The following GALNTL6 variants were observed in gnomAD, a reference collection of about 807,000 sequenced individuals.
GALNTL6 encodes polypeptide N-acetylgalactosaminyltransferase like 6, also known as polypeptide N-acetylgalactosaminyltransferase-like 6.
Under a neutral mutation model 73.7 loss-of-function variants are expected in GALNTL6, and 46 were observed. The ratio of observed to expected loss-of-function variants is 0.62; its 90% CI spans 0.49 to 0.80. GALNTL6 has a LOEUF of 0.80. Among genes scored for constraint, GALNTL6 ranks in the 30% least tolerant of loss-of-function variants. The pLI, the probability that GALNTL6 is intolerant of heterozygous loss-of-function variation, is 0.00. For missense variants in GALNTL6, 604 were observed against 755.0 expected (o/e 0.80, Z 2.34); for synonymous variants, 259 against 263.7 (o/e 0.98, Z 0.17).
intron 10 of GALNTL6, among the ~76,000 whole-genome samples, chr4:173,002,939 A>G (rs1444004991): frequency 6.6e-6 from 1 of 152,208 alleles, no homozygotes; most frequent in Non-Finnish European, 1.5e-5. Context: ...TATTATTTAT[A>G]GTCAGTAGAA....
intron 5 of GALNTL6, among the ~76,000 whole-genome samples, chr4:172,681,913 G>A (rs1732651649): frequency 6.6e-6 from 1 of 152,126 alleles, no homozygotes; most frequent in Non-Finnish European, 1.5e-5. Flanking sequence ...GCAATTCAGG[G>A]CCATAGGATA....
chr4:171,999,905 G>A (rs1188751620), intron 2 of GALNTL6, among the ~76,000 whole-genome samples: 1 of 152,074 alleles, frequency 6.6e-6, no homozygotes, highest in Non-Finnish European at 1.5e-5. Context: ...GCCTAACACC[G>A]ATATTCATAA....
chr4:172,698,851 G>C (rs1733846839), intron 5 of GALNTL6, among the ~76,000 whole-genome samples: 2 of 152,136 alleles, frequency 1.3e-5, no homozygotes, highest in Non-Finnish European at 2.9e-5. Context: ...GTATCTGTAT[G>C]CCATAAATAT....
intron 2 of GALNTL6, among the ~76,000 whole-genome samples, chr4:172,109,842 G>C (rs772408147): frequency 6.6e-6 from 1 of 151,994 alleles, no homozygotes; most frequent in East Asian, 1.9e-4. Context: ...TGGCTTCACT[G>C]GTTAAAATGT....
chr4:172,694,045 G>T (rs1042663472), intron 5 of GALNTL6, among the ~76,000 whole-genome samples: 1 of 151,854 alleles, frequency 6.6e-6, no homozygotes, highest in African/African-American at 2.4e-5. Context: ...AATGAAATTA[G>T]CCTGCGTACT....
At chr4:172,183,780 A>G (rs1368977217) in intron 2 of GALNTL6, among the ~76,000 whole-genome samples, 1 of 146,092 alleles carries the variant, frequency 6.8e-6, no homozygotes, top group East Asian at 2.1e-4. Flanking sequence ...CAGTTTTGCT[A>G]TTACTGTTGA....
intron 2 of GALNTL6, among the ~76,000 whole-genome samples, chr4:172,017,887 G>T (rs1385279314): frequency 6.6e-6 from 1 of 152,082 alleles, no homozygotes. Flanking sequence ...CATGGATACA[G>T]GCACCTGCTC....
intron 5 of GALNTL6, among the ~76,000 whole-genome samples, chr4:172,411,450 G>A (rs1486581033): frequency 6.6e-6 from 1 of 152,086 alleles, no homozygotes; most frequent in Non-Finnish European, 1.5e-5. Flanking sequence ...AAACTCCAAT[G>A]AGACATTTAT....
intron 5 of GALNTL6, among the ~76,000 whole-genome samples, chr4:172,452,323 A>T (rs769220151): frequency 4.7e-4 from 72 of 151,880 alleles, no homozygotes; most frequent in Middle Eastern, 3.4e-3. Context: ...TATATATATA[A>T]AAATAAATAA....
At chr4:172,939,043 C>CCT (rs1282448236) in intron 9 of GALNTL6, among the ~76,000 whole-genome samples, 1 of 152,202 alleles carries the variant, frequency 6.6e-6, no homozygotes, top group African/African-American at 2.4e-5. Flanking sequence ...GTGGCTCATG[C>CCT]CTGTAATCCC....
rs145167419 is a variant in GALNTL6 at position 171,961,280 on chromosome 4, G to C, written c.138+146562G>C. 1.4e-4 allele frequency among the ~76,000 whole-genome samples: 21 copies of C among 152,188 alleles called. No homozygotes were observed. In the East Asian group the frequency reaches 3.9e-3, roughly 28 times the overall value. On this transcript the variant is annotated intron_variant, in intron 2 of 12. Transcript: ENST00000506823. ...AACTGTCTTCATACCTTGTCTAACA[G>C]TCCCTGTACAGGGTTCCTGACCTGT...
intron 2 of GALNTL6, among the ~76,000 whole-genome samples, chr4:172,225,497 A>C (rs1736824847): frequency 6.6e-6 from 1 of 151,760 alleles, no homozygotes; most frequent in Non-Finnish European, 1.5e-5. Flanking sequence ...AATAAGCCTC[A>C]GAATCACCTG....
chr4:171,846,729 G>C (rs1416441800), intron 2 of GALNTL6, among the ~76,000 whole-genome samples: 1 of 147,218 alleles, frequency 6.8e-6, no homozygotes, highest in Non-Finnish European at 1.5e-5. Context: ...TATATTTATA[G>C]ATATATATGG....
At chr4:172,513,628 TC>T (rs1014841492) in intron 5 of GALNTL6, among the ~76,000 whole-genome samples, 4 of 152,148 alleles carry the variant, frequency 2.6e-5, no homozygotes, top group Non-Finnish European at 1.5e-5. Flanking sequence ...ATGTGGTGCT[TC>T]CCCTAGGGAT....
At chr4:172,252,043 G>T (rs1443057348) in intron 3 of GALNTL6, among the ~76,000 whole-genome samples, 1 of 152,042 alleles carries the variant, frequency 6.6e-6, no homozygotes, top group Non-Finnish European at 1.5e-5. Context: ...AATCAATGCA[G>T]AAATTTAGAG....
intron 2 of GALNTL6, among the ~76,000 whole-genome samples, chr4:171,900,899 A>AG (rs78478827): frequency 1 from 152,238 of 152,238 alleles, 76,119 homozygotes; most frequent in Non-Finnish European, 1. Flanking sequence ...AATATCTTTC[A>AG]GAAACATGGA....
intron 8 of GALNTL6, among the ~76,000 whole-genome samples, chr4:172,912,940 G>C (rs955353678): frequency 1.3e-5 from 2 of 152,200 alleles, no homozygotes; most frequent in African/African-American, 4.8e-5. Context: ...TGATCCCTGA[G>C]TAGCCTAACT....
At chr4:172,255,550 CTCT>C (rs957511344) in intron 3 of GALNTL6, among the ~76,000 whole-genome samples, 4 of 151,362 alleles carry the variant, frequency 2.6e-5, no homozygotes, top group African/African-American at 4.8e-5. Context: ...TCTTTTCTTT[CTCT>C]TCTTCTTTAC....
intron 5 of GALNTL6, among the ~76,000 whole-genome samples, chr4:172,785,198 T>A (rs953310363): frequency 6.6e-6 from 1 of 152,104 alleles, no homozygotes; most frequent in Non-Finnish European, 1.5e-5. Flanking sequence ...AACGAAGTAA[T>A]GATAAATAGG....
Sources: allele counts gnomAD v4.1 joint callset (sites outside exome capture counted in the v4.1 genomes callset), GRCh38; gene constraint gnomAD v4.1.1; transcripts MANE v1.5; gene names NCBI Gene and HGNC (gene_info 2026-07-23, HGNC 2026-07-21).